The following ADK variants were observed in gnomAD, a reference collection of about 807,000 sequenced individuals.
The protein encoded by ADK is N6,N6-dimethyladenosine kinase.
Under a neutral mutation model 44.7 loss-of-function variants are expected in ADK, and 24 were observed. The ratio of observed to expected loss-of-function variants is 0.54; its 90% CI spans 0.39 to 0.76. ADK has a LOEUF of 0.76. ADK is among the 30% of genes least tolerant of loss of function. ADK has a pLI of 0.00. For missense variants in ADK, 321 were observed against 425.1 expected (o/e 0.76, Z 2.15); for synonymous variants, 128 against 142.6 (o/e 0.90, Z 0.73).
intron 8 of ADK, 27 bp from the exon 9 acceptor site, chr10:74,600,352 G>T: frequency 6.7e-7 from 1 of 1,486,714 alleles, no homozygotes; most frequent in African/African-American, 1.4e-5. Context: ...TTGGTCATGA[G>T]AATTTTTTCC....
intron 3 of ADK, 96 bp downstream of exon 3, chr10:74,224,687 G>A (rs1844462441): frequency 2.0e-6 from 2 of 985,288 alleles, no homozygotes; most frequent in South Asian, 2.7e-5. Flanking sequence ...ATTATATAAT[G>A]ACAAAGTATA....
chr10:74,294,080 C>G (rs1242785853), intron 3 of ADK, among the ~76,000 whole-genome samples: 1 of 152,066 alleles, frequency 6.6e-6, no homozygotes, highest in African/African-American at 2.4e-5. Flanking sequence ...AAGCTTTATC[C>G]ACATTGTTGA....
chr10:74,703,188 A>G (rs1856492408), intron 10 of ADK, among the ~76,000 whole-genome samples: 1 of 152,122 alleles, frequency 6.6e-6, no homozygotes, highest in African/African-American at 2.4e-5. Context: ...TAAATAAGTA[A>G]TGGGATAAGC....
At chr10:74,198,000 G>T (rs184287041) in intron 1 of ADK, among the ~76,000 whole-genome samples, 2 of 152,284 alleles carry the variant, frequency 1.3e-5, no homozygotes, top group Admixed American at 1.3e-4. Flanking sequence ...ATGTTCCATA[G>T]TTTTGTGGTT....
chr10:74,446,688 A>G (rs1482097854), intron 6 of ADK, among the ~76,000 whole-genome samples: 1 of 152,164 alleles, frequency 6.6e-6, no homozygotes, highest in African/African-American at 2.4e-5. Flanking sequence ...ATAGGAGACA[A>G]ACATCTTCAA....
chr10:74,167,730 G>C (rs1371028855), intron 1 of ADK, among the ~76,000 whole-genome samples: 1 of 152,132 alleles, frequency 6.6e-6, no homozygotes, highest in African/African-American at 2.4e-5. Context: ...GGAGTTCCAG[G>C]CTAGCCCAGA....
chr10:74,648,819 G>C (rs1228965923), intron 9 of ADK, among the ~76,000 whole-genome samples: 1 of 152,142 alleles, frequency 6.6e-6, no homozygotes, highest in Non-Finnish European at 1.5e-5. Context: ...GGCTAAGTTG[G>C]TAACAATTCA....
At chr10:74,421,735 G>T (rs928567456) in intron 6 of ADK, among the ~76,000 whole-genome samples, 4 of 152,202 alleles carry the variant, frequency 2.6e-5, no homozygotes, top group Admixed American at 2.0e-4. Context: ...GTGCCAGAAG[G>T]CAAGAGATTT....
At chr10:74,403,133 ATGAGGTGTC>A (rs1312190899) in intron 6 of ADK, among the ~76,000 whole-genome samples, 1 of 152,026 alleles carries the variant, frequency 6.6e-6, no homozygotes, top group Non-Finnish European at 1.5e-5. Context: ...GCCCAGTTGT[ATGAGGTGTC>A]TGTTGGCCCC....
At chr10:74,273,713 C>G (rs1450325947) in intron 3 of ADK, among the ~76,000 whole-genome samples, 2 of 152,218 alleles carry the variant, frequency 1.3e-5, no homozygotes, top group Non-Finnish European at 2.9e-5. Context: ...CCGCCTCGGC[C>G]TCCCAAAGTG....
At chr10:74,337,428 A>G (rs112193587) in intron 4 of ADK, among the ~76,000 whole-genome samples, 2,568 of 152,290 alleles carry the variant, frequency 0.017, 77 homozygotes, top group African/African-American at 0.059. Flanking sequence ...GAAAGCCCTG[A>G]GGGATACAGA....
intron 1 of ADK, among the ~76,000 whole-genome samples, chr10:74,167,957 G>C (rs1842073500): frequency 6.6e-6 from 1 of 152,104 alleles, no homozygotes; most frequent in South Asian, 2.1e-4. Flanking sequence ...TTCAATTTGA[G>C]TATGTATATT....
At chr10:74,552,221 T>A (rs1004049325) in intron 7 of ADK, among the ~76,000 whole-genome samples, 1 of 152,104 alleles carries the variant, frequency 6.6e-6, no homozygotes, top group Non-Finnish European at 1.5e-5. Context: ...AATAGTGAAA[T>A]GTCTTAGCCC....
chr10:74,557,202 C>T (rs530721426), intron 7 of ADK, among the ~76,000 whole-genome samples: 18 of 152,202 alleles, frequency 1.2e-4, no homozygotes, highest in Admixed American at 3.9e-4. Flanking sequence ...AGAAGTGATT[C>T]ATAGGTCTTC....
intron 6 of ADK, among the ~76,000 whole-genome samples, chr10:74,425,000 G>C (rs975831684): frequency 3.3e-5 from 5 of 152,152 alleles, no homozygotes; most frequent in African/African-American, 1.2e-4. Context: ...TGATTTTGCT[G>C]TCTGTTGTTT....
intron 2 of ADK, among the ~76,000 whole-genome samples, chr10:74,217,019 A>C (rs1844066806): frequency 6.6e-6 from 1 of 152,212 alleles, no homozygotes; most frequent in South Asian, 2.1e-4. Flanking sequence ...CAGTGGGCGC[A>C]GGTCAGTGCG....
intron 4 of ADK, among the ~76,000 whole-genome samples, chr10:74,326,910 ATTAT>A (rs1841040309): frequency 6.6e-6 from 1 of 150,858 alleles, no homozygotes; most frequent in African/African-American, 2.4e-5. Flanking sequence ...TTCTCACTTT[ATTAT>A]TTGTGTCTTC....
intron 6 of ADK, among the ~76,000 whole-genome samples, chr10:74,429,640 A>G (rs978466914): frequency 3.3e-5 from 5 of 152,182 alleles, no homozygotes; most frequent in African/African-American, 1.2e-4. Context: ...GAGGAGCAGG[A>G]ACTGTCTAAC....
intron 7 of ADK, among the ~76,000 whole-genome samples, chr10:74,580,196 G>C (rs1851327051): frequency 6.6e-6 from 1 of 152,138 alleles, no homozygotes; most frequent in African/African-American, 2.4e-5. Context: ...GGACCCAGTG[G>C]GAGGTAATTG....
Sources: allele counts gnomAD v4.1 joint callset (sites outside exome capture counted in the v4.1 genomes callset), GRCh38; gene constraint gnomAD v4.1.1; transcripts MANE v1.5; gene names NCBI Gene and HGNC (gene_info 2026-07-23, HGNC 2026-07-21).